The following ARHGAP42 variants were observed in gnomAD, a reference collection of about 807,000 sequenced individuals.
ARHGAP42 encodes the protein rho GTPase-activating protein 42.
Under a neutral mutation model 125.0 loss-of-function variants are expected in ARHGAP42, and 63 were observed. The observed-to-expected ratio is 0.50, with a 90% CI of 0.41 to 0.62. The LOEUF (loss-of-function observed/expected upper bound fraction) is 0.62, where lower values mean the gene tolerates loss of function less well. ARHGAP42 is among the 20% of genes least tolerant of loss of function. ARHGAP42 has a pLI of 0.00. For synonymous variants in ARHGAP42, 339 were observed against 351.0 expected, an observed-to-expected ratio of 0.97 and a Z score of 0.38; for missense variants, 766 against 1,024.2, an observed-to-expected ratio of 0.75 and a Z score of 3.44.
intron 12 of ARHGAP42, among the ~76,000 whole-genome samples, chr11:100,954,522 G>A (rs960706908): frequency 3.3e-5 from 5 of 152,088 alleles, no homozygotes; most frequent in Admixed American, 3.3e-4. Context: ...ATTCTCCACA[G>A]CAATAAGCTT....
chr11:100,847,763 A>C lies in ARHGAP42; in HGVS notation c.313-11791A>C, dbSNP rs1476243455. Among the ~76,000 whole-genome samples the C allele has an allele frequency of 5.3e-5, 8 of 152,116 alleles. No homozygotes were observed. The South Asian group carries it at 1.7e-3, about 32-fold the overall frequency. On this transcript the variant is annotated intron_variant, in intron 3 of 23. Coordinates refer to ENST00000298815, the MANE Select transcript of ARHGAP42 (RefSeq NM_152432.4). ...GAATATAGTGCCATTCACTGAGAGG[A>C]GATAAATCAGTGGAGTAGAGAAGCC... is the stretch of plus-strand genomic sequence containing the variant.
At chr11:100,877,684 G>A (rs1176251086) in intron 4 of ARHGAP42, among the ~76,000 whole-genome samples, 1 of 152,116 alleles carries the variant, frequency 6.6e-6, no homozygotes, top group East Asian at 1.9e-4. Flanking sequence ...ATGACTTCAG[G>A]ACAGCTCCTT....
chr11:100,860,977 A>G (rs1480088163), intron 4 of ARHGAP42, among the ~76,000 whole-genome samples: 2 of 152,236 alleles, frequency 1.3e-5, no homozygotes, highest in South Asian at 2.1e-4. Flanking sequence ...CAAGTCAGAG[A>G]TGATTCCTGT....
At chr11:100,914,922 G>A (rs1430864064) in intron 5 of ARHGAP42, among the ~76,000 whole-genome samples, 8 of 152,182 alleles carry the variant, frequency 5.3e-5, no homozygotes, top group Admixed American at 2.0e-4. Context: ...TTTGGCATCT[G>A]ATGCCTTTTT....
intron 4 of ARHGAP42, among the ~76,000 whole-genome samples, chr11:100,895,964 A>G (rs1866347300): frequency 6.6e-6 from 1 of 151,926 alleles, no homozygotes; most frequent in Non-Finnish European, 1.5e-5. Context: ...TACATTAGGT[A>G]TTTCCCCTAA....
intron 6 of ARHGAP42, among the ~76,000 whole-genome samples, chr11:100,930,988 G>A (rs956022761): frequency 9.2e-5 from 14 of 152,070 alleles, no homozygotes; most frequent in South Asian, 2.1e-4. Context: ...GGATATTTGC[G>A]TAGACATAAT....
In ARHGAP42 at chr11:100,988,608, A is replaced by G. The variant is rs1438515631; in HGVS notation, c.2537-105A>G. On this transcript the variant is annotated intron_variant, in intron 23 of 23. Coordinates refer to ENST00000298815, the MANE Select transcript of ARHGAP42 (RefSeq NM_152432.4). ...AGGGGTCCTGGAACTAATCCCCCAC[A>G]GATACTGAGGACTGACAATCCGATG... The G allele has an allele frequency of 5.8e-6, 5 of 869,392 alleles. No homozygotes were observed. In the East Asian group the frequency reaches 1.3e-4, roughly 23 times the overall value. 53.9% of individuals were successfully genotyped at this position (869,392 alleles called of 1,614,324 possible).
rs368166397 is a variant in ARHGAP42, at chr11:100,904,087, G to T, written c.385-9365G>T. ...GGCAATACCCACACAGACAGACCCA[G>T]GATTAATACTTTGTATCCTTCAATC... is the stretch of plus-strand genomic sequence containing the variant. On this transcript the variant is annotated intron_variant, in intron 4 of 23. Transcript: ENST00000298815. 3.3e-5 allele frequency among the ~76,000 whole-genome samples: 5 copies of T among 152,024 alleles called. No homozygotes were observed. In the South Asian group the frequency reaches 8.3e-4, roughly 25 times the overall value.
At chr11:100,774,060 C>G (rs977231461) in intron 2 of ARHGAP42, among the ~76,000 whole-genome samples, 1 of 152,154 alleles carries the variant, frequency 6.6e-6, no homozygotes, top group African/African-American at 2.4e-5. Flanking sequence ...AGATATGTTT[C>G]AATATCCTAT....
intron 16 of ARHGAP42, among the ~76,000 whole-genome samples, chr11:100,962,831 G>T (rs1033754510): frequency 6.6e-6 from 1 of 152,042 alleles, no homozygotes; most frequent in East Asian, 1.9e-4. Context: ...AGTCGAGATC[G>T]CGCCATTGCA....
intron 4 of ARHGAP42, among the ~76,000 whole-genome samples, chr11:100,889,106 C>T (rs781527740): frequency 2.0e-5 from 3 of 152,082 alleles, no homozygotes; most frequent in South Asian, 2.1e-4. Flanking sequence ...CTCAGCGTGT[C>T]GACAAAATAA....
At chr11:100,892,589 C>A (rs1322441543) in intron 4 of ARHGAP42, among the ~76,000 whole-genome samples, 1 of 152,136 alleles carries the variant, frequency 6.6e-6, no homozygotes, top group Non-Finnish European at 1.5e-5. Context: ...CATATGATAT[C>A]TGTCTAGAGC....
At chr11:100,850,591 A>G (rs1165790079) in intron 3 of ARHGAP42, among the ~76,000 whole-genome samples, 1 of 152,220 alleles carries the variant, frequency 6.6e-6, no homozygotes, top group Non-Finnish European at 1.5e-5. Flanking sequence ...ATTAAACAAC[A>G]AATAGTGGTA....
intron 3 of ARHGAP42, among the ~76,000 whole-genome samples, chr11:100,803,935 A>G (rs1863926354): frequency 6.6e-6 from 1 of 152,198 alleles, no homozygotes. Context: ...ATTGCCCACA[A>G]CATTTCACAT....
At chr11:100,698,778 T>G (rs1861337975) in intron 1 of ARHGAP42, among the ~76,000 whole-genome samples, 1 of 152,192 alleles carries the variant, frequency 6.6e-6, no homozygotes. Context: ...AATTGTCAAC[T>G]TTAGAGATAA....
chr11:100,707,123 C>T (rs1306819098), intron 1 of ARHGAP42, among the ~76,000 whole-genome samples: 1 of 152,150 alleles, frequency 6.6e-6, no homozygotes, highest in African/African-American at 2.4e-5. Flanking sequence ...TATATGAATG[C>T]ACCAAATTTT....
Position 100,992,369 on chromosome 11 carries a change from G to T in ARHGAP42, c.*3568G>T. The T allele has an allele frequency of 6.2e-7, 1 of 1,613,900 alleles. No homozygotes were observed. On this transcript the variant is annotated 3_prime_UTR_variant, in exon 24 of 24. Transcript: ENST00000298815. ...CATCTCCTGGTCAGGTCACGAAAAA[G>T]AACACAGGCTTGACTATTGTCCAGA... is the stretch of plus-strand genomic sequence containing the variant.
chr11:100,918,675 A>G (rs1565275395), intron 5 of ARHGAP42, among the ~76,000 whole-genome samples: 4 of 152,236 alleles, frequency 2.6e-5, no homozygotes, highest in Admixed American at 2.6e-4. Flanking sequence ...ATGTCTTTCT[A>G]TATCTTGTAC....
At position 100,818,373 on chromosome 11, in the gene ARHGAP42, G is replaced by A. The variant is rs558870731; in HGVS notation, c.312+23207G>A. Among the ~76,000 whole-genome samples, 8 of 152,272 alleles carry A rather than the reference G, an allele frequency of 5.3e-5. No homozygotes were observed. In the East Asian group the frequency reaches 9.7e-4, roughly 18 times the overall value. On this transcript the variant is annotated intron_variant, in intron 3 of 23. Coordinates refer to ENST00000298815, the MANE Select transcript of ARHGAP42 (RefSeq NM_152432.4). ...ATTGACGGAGATGCATGTACATAAC[G>A]TCAGTGATGTAGGATGTGATGGGTG...
Sources: allele counts gnomAD v4.1 joint callset (sites outside exome capture counted in the v4.1 genomes callset), GRCh38; gene constraint gnomAD v4.1.1; transcripts MANE v1.5; gene names NCBI Gene and HGNC (gene_info 2026-07-23, HGNC 2026-07-21).